The following KHDRBS2 variants were observed in gnomAD, a reference collection of about 807,000 sequenced individuals.
KHDRBS2 encodes KH RNA binding domain containing, signal transduction associated 2, also known as KH domain-containing, RNA-binding, signal transduction-associated protein 2.
Under a neutral mutation model 44.3 loss-of-function variants are expected in KHDRBS2, and 26 were observed. The observed-to-expected ratio is 0.59, with a 90% CI of 0.43 to 0.81. The LOEUF is 0.81. Among genes scored for constraint, KHDRBS2 ranks in the 40% least tolerant of loss-of-function variants. The probability of loss-of-function intolerance (pLI) is 0.00; values close to 1 mark genes in which losing one functional copy is unlikely to be tolerated. For synonymous variants in KHDRBS2, 194 were observed against 151.1 expected (o/e 1.28, Z -2.08); for missense variants, 476 against 433.1 (o/e 1.10, Z -0.88).
At chr6:61,556,939 G>T in the KHDRBS2 span, among the ~76,000 whole-genome samples, 2 of 114,380 alleles carry the variant, frequency 1.7e-5, no homozygotes, top group Non-Finnish European at 3.3e-5. Context: ...AAAATTCAAT[G>T]ACTACCAATA....
intron 2 of KHDRBS2, among the ~76,000 whole-genome samples, chr6:62,129,462 T>C (rs927623367): frequency 1.3e-5 from 2 of 152,114 alleles, no homozygotes; most frequent in Non-Finnish European, 2.9e-5. Flanking sequence ...ATATTTTTGG[T>C]AGAGTGGGTT....
intron 6 of KHDRBS2, among the ~76,000 whole-genome samples, chr6:61,753,065 C>T (rs1185235500): frequency 2.0e-5 from 3 of 152,092 alleles, no homozygotes; most frequent in Non-Finnish European, 4.4e-5. Context: ...ACACAACCAG[C>T]TAGAATTACA....
chr6:62,267,229 T>C (rs928023318), intron 1 of KHDRBS2, among the ~76,000 whole-genome samples: 19 of 152,162 alleles, frequency 1.2e-4, no homozygotes, highest in Non-Finnish European at 1.9e-4. Flanking sequence ...GCCAGGCCCC[T>C]TGAAAGACTT....
At chr6:62,000,573 T>C (rs1464330762) in intron 3 of KHDRBS2, among the ~76,000 whole-genome samples, 2 of 152,080 alleles carry the variant, frequency 1.3e-5, no homozygotes, top group Non-Finnish European at 1.5e-5. Flanking sequence ...GTTAAATCAG[T>C]GTTCTTGTAA....
In KHDRBS2 at chr6:61,843,490, G is replaced by C. The variant is rs527892272; in HGVS notation, c.810+51145C>G. ...CTCCTTGAACTACTCTCAGCCTCCC[G>C]AGTAGCTGGGATTACAGCCATGTAC... On this transcript the variant is annotated intron_variant, in intron 6 of 8. Transcript: ENST00000281156. Among the ~76,000 whole-genome samples the C allele has an allele frequency of 1.7e-4, 25 of 151,342 alleles. No individual in the cohort carries two copies. In the South Asian group the frequency reaches 5.0e-3, roughly 30 times the overall value.
intron 8 of KHDRBS2, among the ~76,000 whole-genome samples, chr6:61,688,412 T>C (rs1190647265): frequency 2.0e-5 from 3 of 151,902 alleles, no homozygotes; most frequent in African/African-American, 7.2e-5. Flanking sequence ...TAGAGGCTTT[T>C]TGAAATGCAC....
chr6:61,920,699 T>C (rs975865996), intron 4 of KHDRBS2, among the ~76,000 whole-genome samples: 7 of 151,964 alleles, frequency 4.6e-5, no homozygotes, highest in Non-Finnish European at 8.8e-5. Flanking sequence ...AGTCAGAAGC[T>C]ATTCTTGACT....
chr6:62,020,400 A>G (rs1782039831), intron 3 of KHDRBS2, among the ~76,000 whole-genome samples: 3 of 152,028 alleles, frequency 2.0e-5, no homozygotes, highest in Admixed American at 1.3e-4. Flanking sequence ...GCACTTGAGA[A>G]AAGAATGTAT....
At chr6:62,108,529 G>A (rs1000534799) in intron 2 of KHDRBS2, among the ~76,000 whole-genome samples, 6 of 152,276 alleles carry the variant, frequency 3.9e-5, no homozygotes, top group African/African-American at 1.4e-4. Flanking sequence ...CATCGTGGAA[G>A]TCAGTGTGGC....
intron 2 of KHDRBS2, among the ~76,000 whole-genome samples, chr6:62,063,436 C>T (rs367800504): frequency 2.0e-5 from 3 of 150,188 alleles, no homozygotes; most frequent in Non-Finnish European, 4.5e-5. Context: ...CCACCATGAT[C>T]AAGTGGGCTT....
the KHDRBS2 span, among the ~76,000 whole-genome samples, chr6:61,619,462 T>G: frequency 6.6e-6 from 1 of 150,982 alleles, no homozygotes; most frequent in East Asian, 1.9e-4. Flanking sequence ...TGTTTGTTTG[T>G]TTGTTTTTTG....
chr6:61,666,415 G>T, the KHDRBS2 span, among the ~76,000 whole-genome samples: 5 of 151,290 alleles, frequency 3.3e-5, no homozygotes, highest in South Asian at 4.2e-4. Flanking sequence ...TTCCTTCTAC[G>T]TTGCAGGATG....
intron 7 of KHDRBS2, among the ~76,000 whole-genome samples, chr6:61,728,435 C>T (rs1044379202): frequency 3.3e-5 from 5 of 151,542 alleles, no homozygotes; most frequent in African/African-American, 1.2e-4. Flanking sequence ...CACATGGACT[C>T]TGAATTTAAA....
chr6:61,631,305 C>CAAA, the KHDRBS2 span, among the ~76,000 whole-genome samples: 54 of 66,990 alleles, frequency 8.1e-4, no homozygotes, highest in East Asian at 3.7e-3. Context: ...ACGAATAAGC[C>CAAA]AAAAAAAAAA....
chr6:62,040,044 A>G lies in KHDRBS2; in HGVS notation c.336+7834T>C, dbSNP rs551828549. 1.2e-4 allele frequency among the ~76,000 whole-genome samples: 18 copies of G among 152,214 alleles called. No individual in the cohort carries two copies. In the South Asian group the frequency reaches 3.3e-3, roughly 28 times the overall value. ...GAGCTTTCTATTTTTGATGTCTAGT[A>G]TCTCATAAAACGTCTCTACCAAGAA... On this transcript the variant is annotated intron_variant, in intron 3 of 8. Transcript: ENST00000281156.
the KHDRBS2 span, among the ~76,000 whole-genome samples, chr6:61,606,741 T>C: frequency 1.3e-5 from 2 of 152,184 alleles, no homozygotes; most frequent in African/African-American, 4.8e-5. Flanking sequence ...TGATCTTTCC[T>C]AGATCTGGAT....
At chr6:61,610,911 A>G in the KHDRBS2 span, among the ~76,000 whole-genome samples, 2 of 152,184 alleles carry the variant, frequency 1.3e-5, no homozygotes, top group African/African-American at 4.8e-5. Flanking sequence ...ACCTATTAAC[A>G]TGCTAAGGAC....
intron 2 of KHDRBS2, among the ~76,000 whole-genome samples, chr6:62,122,095 A>C (rs537299367): frequency 6.6e-6 from 1 of 152,124 alleles, no homozygotes; most frequent in East Asian, 1.9e-4. Context: ...TCCAGAACAG[A>C]AGAAGGCTCT....
chr6:62,093,892 G>A (rs962187032), intron 2 of KHDRBS2, among the ~76,000 whole-genome samples: 31 of 126,382 alleles, frequency 2.5e-4, no homozygotes, highest in South Asian at 9.5e-4. Flanking sequence ...GTGTGTGTGT[G>A]TATATCACAT....
Sources: gnomAD v4.1 joint callset for allele counts (sites outside exome capture counted in the v4.1 genomes callset) on GRCh38, gnomAD v4.1.1 for gene constraint, MANE v1.5 for transcripts, NCBI Gene and HGNC (gene_info 2026-07-23, HGNC 2026-07-21) for gene names.